FANCA: variants seen among roughly 807,000 people sequenced by gnomAD.
FANCA encodes the protein FA complementation group A, also known as Fanconi anemia group A protein.
In FANCA, 236 loss-of-function variants were observed where a neutral mutation model predicts 194.3. That is an observed-to-expected ratio of 1.21 (90% CI 1.09 to 1.35). The LOEUF is 1.35. Among genes scored for constraint, FANCA ranks in the 40% most tolerant of loss-of-function variants. The pLI, the probability that FANCA is intolerant of heterozygous loss-of-function variation, is 0.00. For synonymous variants in FANCA, 1,014 were observed against 715.8 expected (o/e 1.42, Z -6.65); for missense variants, 2,628 against 1,813.9 (o/e 1.45, Z -8.15).
chr16:89,796,154 A>G (rs2040238828), intron 10 of FANCA, 136 bp from the exon 11 acceptor site: 1 of 722,208 alleles, frequency 1.4e-6, no homozygotes, highest in African/African-American at 1.7e-5. Context: ...GGCCACTATA[A>G]CCACAGACTT....
intron 11 of FANCA, among the ~76,000 whole-genome samples, chr16:89,793,414 T>C (rs941859218): frequency 3.9e-5 from 6 of 152,244 alleles, no homozygotes; most frequent in Admixed American, 6.5e-5. Flanking sequence ...GTTATGATTA[T>C]AGAGCGAGGA....
At chr16:89,761,918 C>G (rs775242490) in intron 29 of FANCA, 31 bp downstream of exon 29, 1 of 1,585,384 alleles carries the variant, frequency 6.3e-7, no homozygotes, top group African/African-American at 1.3e-5. Context: ...AGCCATCATG[C>G]CTGGCCAGGG....
chr16:89,782,297 G>T (rs531283267), intron 17 of FANCA, among the ~76,000 whole-genome samples: 1 of 151,630 alleles, frequency 6.6e-6, no homozygotes, highest in South Asian at 2.1e-4. Context: ...GGATCACAAG[G>T]TCAGGAGATT....
chr16:89,781,130 C>A (rs948253518), intron 17 of FANCA, among the ~76,000 whole-genome samples: 1 of 151,944 alleles, frequency 6.6e-6, no homozygotes, highest in Non-Finnish European at 1.5e-5. Context: ...TTTGAGAGAC[C>A]GAGGCAGACG....
At chr16:89,780,196 T>C (rs1004243831) in intron 17 of FANCA, among the ~76,000 whole-genome samples, 1 of 152,096 alleles carries the variant, frequency 6.6e-6, no homozygotes, top group Non-Finnish European at 1.5e-5. Context: ...TCAGACCCCG[T>C]GATGTGCGGC....
At chr16:89,814,141 A>G (rs967942087) in intron 3 of FANCA, among the ~76,000 whole-genome samples, 1 of 151,934 alleles carries the variant, frequency 6.6e-6, no homozygotes, top group Non-Finnish European at 1.5e-5. Flanking sequence ...CCTATCTCCC[A>G]CTCTCAAACT....
In FANCA at chr16:89,748,710, C is replaced by G. The variant is rs779268656; in HGVS notation, c.3297G>C (p.Gln1099His). 46 of 1,614,028 alleles carry G rather than the reference C, an allele frequency of 2.9e-5. No homozygotes were observed. In the Admixed American group the frequency reaches 7.3e-4, roughly 26 times the overall value. Reference sequence around the variant, plus strand: ...ACTGCTCGCATCTGGCAGTGATGGGCTGTTCTGCCTGGAAGCTGCTGCCGC... The same window carrying G: ...ACTGCTCGCATCTGGCAGTGATGGGGTGTTCTGCCTGGAAGCTGCTGCCGC... ...VLCGSSFQAEQPITARCEQFF... is the reference protein window; with the variant it reads ...VLCGSSFQAEHPITARCEQFF... The change falls in exon 33 of 43, where the codon CAG becomes CAC. Residue 1099 changes from glutamine (Q) to histidine (H), a missense_variant. Gln to His is a conservative substitution (Grantham distance 24). Transcript: ENST00000389301.
chr16:89,803,414 C>T, intron 7 of FANCA, 73 bp from the exon 8 acceptor site: 1 of 1,374,936 alleles, frequency 7.3e-7, no homozygotes, highest in Non-Finnish European at 1.0e-6. Flanking sequence ...CACAGACCAT[C>T]CACTTCAGAG....
intron 36 of FANCA, 153 bp downstream of exon 36, chr16:89,744,806 A>C: frequency 1.3e-6 from 1 of 740,992 alleles, no homozygotes; most frequent in Non-Finnish European, 2.3e-6. Context: ...ACAGGCGCCC[A>C]CCACCACGAG....
chr16:89,778,770 T>C lies in FANCA; in HGVS notation c.1826+31A>G, dbSNP rs1567625428. On this transcript the variant is annotated intron_variant, in intron 20 of 42. Transcript: ENST00000389301. ...CGCATTGTCAGAAGAAACCTGGAAG[T>C]AGTCATCCCCTTCTAACCGTTGCTG... 2.5e-6 allele frequency: 4 copies of C among 1,599,460 alleles called. No homozygotes were observed. The Admixed American group carries it at 6.7e-5, about 27-fold the overall frequency.
chr16:89,765,769 G>A (rs377601365), intron 27 of FANCA, among the ~76,000 whole-genome samples: 2 of 152,238 alleles, frequency 1.3e-5, no homozygotes, highest in Non-Finnish European at 2.9e-5. Flanking sequence ...TGCTGGGTGG[G>A]AACCACGCTG....
At position 89,806,425 on chromosome 16, in the gene FANCA, T is replaced by C. The variant is rs797003951; in HGVS notation, c.597-1033A>G. On this transcript the variant is annotated intron_variant, in intron 6 of 42. Coordinates refer to ENST00000389301, the MANE Select transcript of FANCA (RefSeq NM_000135.4). ...GGGATTTGGCAGGGTCATAGGACAA[T>C]GGTGGAGGGAAGGTCAGCAGATAAA... 2.8e-5 allele frequency among the ~76,000 whole-genome samples: 4 copies of C among 141,868 alleles called. 1 individual carries two copies. In the East Asian group the frequency reaches 6.5e-4, roughly 23 times the overall value. 93.1% of individuals were successfully genotyped at this position (141,868 alleles called of 152,430 possible). A position where few individuals can be genotyped will look rare whatever the true frequency, so the allele number is the denominator to read the frequency against.
chr16:89,784,074 A>G (rs17232651), intron 15 of FANCA, among the ~76,000 whole-genome samples: 1 of 152,072 alleles, frequency 6.6e-6, no homozygotes, highest in African/African-American at 2.4e-5. Flanking sequence ...TTCTTAAAAG[A>G]TGAGGGTCAG....
At position 89,737,942 on chromosome 16, in the gene FANCA, C is replaced by A; in HGVS notation, c.*659G>T. On this transcript the variant is annotated 3_prime_UTR_variant, in exon 43 of 43. Transcript: ENST00000389301. The stretch of plus-strand genomic sequence containing the variant: ...TCAGGACCCCCTCCCAGGGCTGTGG[C>A]CCTCGCACCTTCTTATCTGCCTCTG... The A allele has an allele frequency of 6.2e-7, 1 of 1,613,932 alleles. No homozygotes were observed. Among genetic ancestry groups the A allele is most frequent in the Non-Finnish European group, 8.5e-7 (1 of 1,179,848 alleles).
In FANCA at chr16:89,745,121, CCTCCG is replaced by C. The variant is rs1322891742; in HGVS notation, c.3514-55_3514-51del. ...GATGAGGGTGGCTGAGATGGACACA[CCTCCG>C]CTGCCCCAGCCATGACAAGCCCCCA... On this transcript the variant is annotated intron_variant, in intron 35 of 42. Coordinates refer to ENST00000389301, the MANE Select transcript of FANCA (RefSeq NM_000135.4). The C allele has an allele frequency of 1.7e-5, 26 of 1,495,224 alleles. No individual in the cohort carries two copies. The East Asian group carries it at 6.4e-4, about 37-fold the overall frequency. The allele number at this position is 1,495,224 out of a possible 1,614,324, so 92.6% of individuals were successfully genotyped here. A position where few individuals can be genotyped will look rare whatever the true frequency, so the allele number is the denominator to read the frequency against.
Position 89,792,029 on chromosome 16 carries a change from A to T in FANCA, c.1123T>A (p.Leu375Met), listed in dbSNP as rs2040093515. The change falls in exon 13 of 43, where the codon TTG becomes ATG. Residue 375 changes from leucine to methionine, a missense_variant. Coordinates refer to ENST00000389301, the MANE Select transcript of FANCA (RefSeq NM_000135.4). Reference sequence around the variant, plus strand: ...TCCTGCGTTTCCAGAACTTCTTGCAAATGGCCAACCAACTCCTCTGCACTC... The same window carrying T: ...TCCTGCGTTTCCAGAACTTCTTGCATATGGCCAACCAACTCCTCTGCACTC... Reference protein sequence around the residue: ...MLSAEELVGHLQEVLETQEVH... With the variant: ...MLSAEELVGHMQEVLETQEVH... 9 of 1,614,172 alleles carry T rather than the reference A, an allele frequency of 5.6e-6. No individual in the cohort carries two copies. The highest frequency in any genetic ancestry group is 2.7e-5 in the African/African-American group (2 of 75,050).
chr16:89,758,914 T>G (rs972305484), intron 29 of FANCA, among the ~76,000 whole-genome samples: 1 of 151,662 alleles, frequency 6.6e-6, no homozygotes, highest in Non-Finnish European at 1.5e-5. Flanking sequence ...GTCTCAGGAG[T>G]GACCTTTGTG....
At chr16:89,778,755 G>C in intron 20 of FANCA, 46 bp downstream of exon 20, 1 of 1,570,758 alleles carries the variant, frequency 6.4e-7, no homozygotes, top group Non-Finnish European at 8.8e-7. Context: ...CGCATTGTCA[G>C]AAGAAACCTG....
intron 6 of FANCA, among the ~76,000 whole-genome samples, chr16:89,807,398 G>A (rs565840021): frequency 9.9e-5 from 15 of 151,700 alleles, no homozygotes; most frequent in East Asian, 7.8e-4. Context: ...AGGTTGCAGC[G>A]AGCCCAGATC....
Sources: allele counts gnomAD v4.1 joint callset (sites outside exome capture counted in the v4.1 genomes callset), GRCh38; gene constraint gnomAD v4.1.1; transcripts MANE v1.5; gene names NCBI Gene and HGNC (gene_info 2026-07-23, HGNC 2026-07-21).